The following CLEC2B variants were observed in gnomAD, a reference collection of about 807,000 sequenced individuals.
The protein encoded by CLEC2B is C-type (calcium dependent, carbohydrate-recognition domain) lectin, superfamily member 2 (activation-induced).
CLEC2B carries 14 observed loss-of-function variants against 16.2 expected under a neutral mutation model. The ratio of observed to expected loss-of-function variants is 0.86; its 90% CI spans 0.57 to 1.35. The LOEUF is 1.35. CLEC2B is among the 40% of genes most tolerant of loss of function. CLEC2B has a pLI of 0.00. For missense variants in CLEC2B, 166 were observed against 182.3 expected (o/e 0.91, Z 0.52); for synonymous variants, 42 against 55.8 (o/e 0.75, Z 1.10).
chr12:9,866,233 T>A (rs1867969252), intron 1 of CLEC2B, among the ~76,000 whole-genome samples: 2 of 152,128 alleles, frequency 1.3e-5, no homozygotes, highest in Admixed American at 1.3e-4. Flanking sequence ...TCTTTAAACC[T>A]CAGGTATCGA....
intron 1 of CLEC2B, among the ~76,000 whole-genome samples, chr12:9,868,601 T>A (rs1867989843): frequency 6.6e-6 from 1 of 152,116 alleles, no homozygotes; most frequent in Non-Finnish European, 1.5e-5. Flanking sequence ...AGATGTAGCT[T>A]GGATCTTATA....
intron 1 of CLEC2B, among the ~76,000 whole-genome samples, chr12:9,868,158 TATA>T (rs1049824927): frequency 8.7e-5 from 13 of 149,974 alleles, no homozygotes; most frequent in African/African-American, 1.2e-4. Context: ...TAATATGATA[TATA>T]ATATTGTATT....
intron 3 of CLEC2B, among the ~76,000 whole-genome samples, chr12:9,856,483 T>G (rs1375797404): frequency 6.6e-6 from 1 of 152,092 alleles, no homozygotes; most frequent in Admixed American, 6.6e-5. Context: ...TACCTTTTTT[T>G]CTTGCAAAAT....
chr12:9,854,836 A>G (rs895743666), intron 3 of CLEC2B: 8 of 332,494 alleles, frequency 2.4e-5, no homozygotes, highest in Admixed American at 9.4e-5. Context: ...TTATTACACT[A>G]TTTGTCCACT....
At position 9,857,481 on chromosome 12, in the gene CLEC2B, TC is replaced by T; in HGVS notation, c.229del (p.Glu77LysfsTer3). ...HADLTIIDNI[E>X]EMNFLRRYKC... ...GTATATTAAATTACTTACCATTTCTTCTATGTTGTCAATTATAGTTAGGTCG... is the reference window on the plus strand; with the variant it reads ...GTATATTAAATTACTTACCATTTCTTTATGTTGTCAATTATAGTTAGGTCG... On this transcript the variant is annotated frameshift_variant, in exon 3 of 5. Coordinates refer to ENST00000228438, the MANE Select transcript of CLEC2B (RefSeq NM_005127.3). LOFTEE classifies it high-confidence loss of function. 6.2e-7 allele frequency: 1 copy of T among 1,605,426 alleles called. No homozygotes were observed. The highest frequency in any genetic ancestry group is 8.5e-7 in the Non-Finnish European group (1 of 1,173,518).
At chr12:9,863,139 G>A (rs1272035982) in intron 1 of CLEC2B, among the ~76,000 whole-genome samples, 4 of 152,118 alleles carry the variant, frequency 2.6e-5, no homozygotes, top group Non-Finnish European at 4.4e-5. Context: ...GGAACACCTC[G>A]TCAGTCTTCC....
intron 2 of CLEC2B, among the ~76,000 whole-genome samples, chr12:9,858,453 A>G (rs1194396872): frequency 6.6e-6 from 1 of 151,960 alleles, no homozygotes; most frequent in Non-Finnish European, 1.5e-5. Flanking sequence ...ACACACCCAG[A>G]CTGAATCAGT....
At chr12:9,865,203 C>T (rs915104392) in intron 1 of CLEC2B, among the ~76,000 whole-genome samples, 3 of 114,536 alleles carry the variant, frequency 2.6e-5, no homozygotes, top group African/African-American at 1.0e-4. Context: ...AAAAAAAAAG[C>T]ATAAAGTTAA....
At chr12:9,863,646 T>C (rs1867949447) in intron 1 of CLEC2B, among the ~76,000 whole-genome samples, 1 of 152,070 alleles carries the variant, frequency 6.6e-6, no homozygotes, top group Non-Finnish European at 1.5e-5. Flanking sequence ...AACTGAAAAA[T>C]ACATTTGCTG....
intron 4 of CLEC2B, among the ~76,000 whole-genome samples, chr12:9,854,092 G>A (rs1468593659): frequency 6.6e-6 from 1 of 152,156 alleles, no homozygotes; most frequent in Non-Finnish European, 1.5e-5. Context: ...TAATTGGACA[G>A]GATAGTTTAT....
rs1470100969 is a variant in CLEC2B at position 9,853,122 on chromosome 12, GA to G, written c.*177del. 8.2e-5 allele frequency: 36 copies of G among 436,704 alleles called. No homozygotes were observed. Among genetic ancestry groups the G allele is most frequent in the Middle Eastern group, 1.2e-3 (2 of 1,670 alleles). The allele number at this position is 436,704 out of a possible 1,614,324, so 27.1% of individuals were successfully genotyped here. A position where few individuals can be genotyped will look rare whatever the true frequency, so the allele number is the denominator to read the frequency against. On this transcript the variant is annotated 3_prime_UTR_variant, in exon 5 of 5. Coordinates refer to ENST00000228438, the MANE Select transcript of CLEC2B (RefSeq NM_005127.3). ...AAGAAAGAAAGAAAAAAACTCAGCA[GA>G]ATACCTGTAACCATTTTTTGCCAAT...
At position 9,857,571 on chromosome 12, in the gene CLEC2B, TAG is replaced by T; in HGVS notation, c.138_139del (p.Cys46Ter). ...ATCTCCTTCTTCTTTAGAGAAATAA[TAG>T]CATTTGTTTTGGAAACCAATCCAAT... On this transcript the variant is annotated stop_gained and frameshift_variant, in exon 3 of 5. Coordinates refer to ENST00000228438, the MANE Select transcript of CLEC2B (RefSeq NM_005127.3). LOFTEE classifies it high-confidence loss of function. The T allele has an allele frequency of 1.2e-6, 2 of 1,611,054 alleles. No individual in the cohort carries two copies. The highest frequency in any genetic ancestry group is 1.7e-6 in the Non-Finnish European group (2 of 1,177,738).
At position 9,852,731 on chromosome 12, in the gene CLEC2B, T is replaced by C. The variant is rs1366469424; in HGVS notation, c.*569A>G. Among the ~76,000 whole-genome samples, 1 of 152,126 alleles carries C rather than the reference T, an allele frequency of 6.6e-6. No individual in the cohort carries two copies. The highest frequency in any genetic ancestry group is 1.5e-5 in the Non-Finnish European group (1 of 68,016). ...CAAACACATACGGTGTGTGATCTCC[T>C]CCTCACCTTCACTCTTAAAGCCCCA... On this transcript the variant is annotated 3_prime_UTR_variant, in exon 5 of 5. Transcript: ENST00000228438.
In CLEC2B at chr12:9,853,836, A is replaced by G. The variant is rs990037378; in HGVS notation, c.342-428T>C. On this transcript the variant is annotated intron_variant, in intron 4 of 4. Transcript: ENST00000228438. Reference sequence around the variant, plus strand: ...CCTTTTCCACGACAGAGAGGTATTCAGTACAAAATATCAGTAGTGTTTCTA... The same window carrying G: ...CCTTTTCCACGACAGAGAGGTATTCGGTACAAAATATCAGTAGTGTTTCTA... 2.0e-5 allele frequency among the ~76,000 whole-genome samples: 3 copies of G among 152,184 alleles called. 1 individual carries two copies. The highest frequency in any genetic ancestry group is 7.2e-5 in the African/African-American group (3 of 41,448).
At chr12:9,857,373 A>T in intron 3 of CLEC2B, 101 bp downstream of exon 3, 4 of 833,136 alleles carry the variant, frequency 4.8e-6, no homozygotes, top group Non-Finnish European at 7.6e-6. Context: ...TTCTGCATAG[A>T]TAGGCATGAG....
intron 2 of CLEC2B, among the ~76,000 whole-genome samples, chr12:9,860,025 T>G: frequency 6.6e-6 from 1 of 151,752 alleles, no homozygotes; most frequent in Non-Finnish European, 1.5e-5. Context: ...TTAATCTGAT[T>G]AAGAATATCT....
At chr12:9,859,714 A>G (rs1867919852) in intron 2 of CLEC2B, among the ~76,000 whole-genome samples, 1 of 151,876 alleles carries the variant, frequency 6.6e-6, no homozygotes, top group Admixed American at 6.6e-5. Context: ...AAGCCATCAT[A>G]ATCACATCAA....
chr12:9,856,689 C>CA (rs1235940758), intron 3 of CLEC2B, among the ~76,000 whole-genome samples: 4 of 151,936 alleles, frequency 2.6e-5, no homozygotes, highest in East Asian at 1.9e-4. Context: ...AAATTATTTG[C>CA]AAAAAATATT....
chr12:9,860,203 G>T lies in CLEC2B; in HGVS notation c.73+2296C>A, dbSNP rs565244007. 3.3e-5 allele frequency among the ~76,000 whole-genome samples: 5 copies of T among 151,380 alleles called. No homozygotes were observed. In the South Asian group the frequency reaches 1.0e-3, roughly 32 times the overall value. Reference sequence around the variant, plus strand: ...AAGGCATAAGGTTTCCAACAGAATAGGTAAAACAATTATTATTTTCAGATA... The same window carrying T: ...AAGGCATAAGGTTTCCAACAGAATATGTAAAACAATTATTATTTTCAGATA... On this transcript the variant is annotated intron_variant, in intron 2 of 4. Coordinates refer to ENST00000228438, the MANE Select transcript of CLEC2B (RefSeq NM_005127.3).
Sources: gnomAD v4.1 joint callset for allele counts (sites outside exome capture counted in the v4.1 genomes callset) on GRCh38, gnomAD v4.1.1 for gene constraint, MANE v1.5 for transcripts, NCBI Gene and HGNC (gene_info 2026-07-23, HGNC 2026-07-21) for gene names.